Variants in TRAPPC9 observed in about 807,000 individuals in gnomAD.
The protein encoded by TRAPPC9 is trafficking protein particle complex subunit 9.
TRAPPC9 carries 83 observed loss-of-function variants against 124.0 expected under a neutral mutation model. That is an observed-to-expected ratio of 0.67 (90% confidence interval 0.56 to 0.80). The LOEUF is 0.80. Among genes scored for constraint, TRAPPC9 ranks in the 30% least tolerant of loss-of-function variants. TRAPPC9 has a pLI of 0.00. For missense variants in TRAPPC9, 1,302 were observed against 1,508.3 expected (o/e 0.86, Z 2.27); for synonymous variants, 638 against 617.5 (o/e 1.03, Z -0.49).
In TRAPPC9 at chr8:140,252,724, C is replaced by A. The variant is rs11986788; in HGVS notation, c.2431+53G>T. The A allele has an allele frequency of 6.2e-7, 1 of 1,601,944 alleles. No individual in the cohort carries two copies. The highest frequency in any genetic ancestry group is 8.5e-7 in the Non-Finnish European group (1 of 1,175,814). On this transcript the variant is annotated intron_variant, in intron 16 of 22. Coordinates refer to ENST00000438773, the MANE Select transcript of TRAPPC9 (RefSeq NM_001160372.4). The surrounding 1 kb of genome is among the most constrained non-coding windows in gnomAD (Gnocchi z 4.2). ...AGCAGGCATCAAGGGATGGGGGTTG[C>A]TACACAGTATCTAGGACCCTGACGT...
intron 21 of TRAPPC9, among the ~76,000 whole-genome samples, chr8:139,769,256 T>G (rs1267659586): frequency 6.6e-6 from 1 of 152,242 alleles, no homozygotes; most frequent in African/African-American, 2.4e-5. Flanking sequence ...AAAGTTTAAC[T>G]TATGTATTAG....
At chr8:140,210,928 A>G (rs1408170817) in intron 17 of TRAPPC9, among the ~76,000 whole-genome samples, 2 of 152,186 alleles carry the variant, frequency 1.3e-5, no homozygotes, top group Non-Finnish European at 2.9e-5. Flanking sequence ...GCTGCTCCCC[A>G]GGCCCCGAAG....
chr8:139,971,057 C>T (rs1026058452), intron 19 of TRAPPC9, among the ~76,000 whole-genome samples: 22 of 152,044 alleles, frequency 1.4e-4, no homozygotes, highest in African/African-American at 4.6e-4. Context: ...TCCCGGAATC[C>T]ACCTCTTTTC....
rs1016863761 is a variant in TRAPPC9, at chr8:139,776,678, A to G, written c.3056-44476T>C. ...CGTGTGTGTCTGTGTGTGTGTGCGC[A>G]CACACACACAGAAAGGCACATGTGT... On this transcript the variant is annotated intron_variant, in intron 21 of 22. Coordinates refer to ENST00000438773, the MANE Select transcript of TRAPPC9 (RefSeq NM_001160372.4). This position sits in a 1 kb window ranked among gnomAD's most constrained non-coding sequence, Gnocchi z 4.1. Among the ~76,000 whole-genome samples, 1 of 151,866 alleles carries G rather than the reference A, an allele frequency of 6.6e-6. No homozygotes were observed. Among genetic ancestry groups the G allele is most frequent in the Admixed American group, 6.6e-5 (1 of 15,260 alleles).
At chr8:140,131,721 C>T (rs763558312) in intron 17 of TRAPPC9, among the ~76,000 whole-genome samples, 6 of 152,350 alleles carry the variant, frequency 3.9e-5, no homozygotes, top group African/African-American at 9.6e-5. Context: ...GGCTTGAGGG[C>T]GAGTCGCCTG....
intron 18 of TRAPPC9, among the ~76,000 whole-genome samples, chr8:139,989,550 G>A (rs559968950): frequency 1.7e-4 from 26 of 152,308 alleles, no homozygotes; most frequent in Admixed American, 5.2e-4. Context: ...ATACAAACGC[G>A]ATGTCCTGGG....
chr8:139,924,073 C>A (rs1194295655), intron 19 of TRAPPC9, among the ~76,000 whole-genome samples: 1 of 152,094 alleles, frequency 6.6e-6, no homozygotes, highest in South Asian at 2.1e-4. Flanking sequence ...TCCCAGGCCC[C>A]AGAGCTCAGT....
At chr8:140,069,176 T>C (rs1843015365) in intron 17 of TRAPPC9, among the ~76,000 whole-genome samples, 1 of 152,218 alleles carries the variant, frequency 6.6e-6, no homozygotes, top group Non-Finnish European at 1.5e-5. Flanking sequence ...CAGAATTCAG[T>C]ATCTGCTGAA....
At chr8:140,154,152 A>G (rs1414299138) in intron 17 of TRAPPC9, among the ~76,000 whole-genome samples, 1 of 152,086 alleles carries the variant, frequency 6.6e-6, no homozygotes, top group East Asian at 1.9e-4. Context: ...TAAAAAGAGA[A>G]CACCTTTCCT....
intron 21 of TRAPPC9, among the ~76,000 whole-genome samples, chr8:139,865,696 C>G (rs372190520): frequency 1.3e-5 from 2 of 152,166 alleles, no homozygotes; most frequent in East Asian, 3.9e-4. Context: ...AGCCTGAAGC[C>G]ATGGGGTCCC....
chr8:140,377,704 C>T (rs200948795), intron 7 of TRAPPC9, among the ~76,000 whole-genome samples: 11 of 152,238 alleles, frequency 7.2e-5, no homozygotes, highest in African/African-American at 2.4e-4. Context: ...ACAGCTAAAA[C>T]GTCCCCCACC....
Position 140,456,675 on chromosome 8 carries a change from G to A in TRAPPC9, c.-11+964C>T, listed in dbSNP as rs74620547. ...CCTGGGCCTCCAACATCATCCACCC[G>A]GTGCTTTGTTTCAGGTTAACAAATA... is the stretch of plus-strand genomic sequence containing the variant. On this transcript the variant is annotated intron_variant, in intron 1 of 22. Transcript: ENST00000438773. 1.0e-3 allele frequency: 479 copies of A among 476,406 alleles called. 2 individuals are homozygous for A. The highest frequency in any genetic ancestry group is 8.1e-3 in the African/African-American group (384 of 47,444). The allele number at this position is 476,406 out of a possible 1,614,324, so 29.5% of individuals were successfully genotyped here.
At chr8:139,755,051 T>C (rs904651049) in intron 21 of TRAPPC9, among the ~76,000 whole-genome samples, 1 of 152,178 alleles carries the variant, frequency 6.6e-6, no homozygotes, top group African/African-American at 2.4e-5. Context: ...ACAGGGGTGA[T>C]GAGATGGCCC....
chr8:139,861,746 C>G (rs1056142813), intron 21 of TRAPPC9, among the ~76,000 whole-genome samples: 1 of 152,078 alleles, frequency 6.6e-6, no homozygotes, highest in Non-Finnish European at 1.5e-5. Context: ...TTTGAACAGA[C>G]CCCCTGAGTC....
Position 139,825,787 on chromosome 8 carries a change from G to A in TRAPPC9, c.3055+60092C>T, listed in dbSNP as rs1248200635. On this transcript the variant is annotated intron_variant, in intron 21 of 22. Coordinates refer to ENST00000438773, the MANE Select transcript of TRAPPC9 (RefSeq NM_001160372.4). The surrounding 1 kb of genome is among the most constrained non-coding windows in gnomAD (Gnocchi z 4.6). ...AATTCCGAAGAGCAGACGAGCCTCC[G>A]AGACAACAGCCGTGAGACGATGGCC... Among the ~76,000 whole-genome samples, 16 of 152,100 alleles carry A rather than the reference G, an allele frequency of 1.1e-4. No individual in the cohort carries two copies. Among genetic ancestry groups the A allele is most frequent in the Admixed American group, 7.2e-4 (11 of 15,272 alleles).
intron 17 of TRAPPC9, among the ~76,000 whole-genome samples, chr8:140,140,467 C>T (rs1372154349): frequency 1.3e-5 from 2 of 152,146 alleles, no homozygotes; most frequent in Admixed American, 6.5e-5. Context: ...TAATACCTTG[C>T]TTTCCCCAGT....
intron 17 of TRAPPC9, among the ~76,000 whole-genome samples, chr8:140,134,978 A>T (rs2061275397): frequency 6.6e-6 from 1 of 152,248 alleles, no homozygotes; most frequent in African/African-American, 2.4e-5. Flanking sequence ...AATGACAAAA[A>T]ATAACCCATA....
intron 17 of TRAPPC9, among the ~76,000 whole-genome samples, chr8:140,049,260 A>G (rs1258380184): frequency 1.3e-5 from 2 of 152,254 alleles, no homozygotes; most frequent in East Asian, 3.9e-4. Flanking sequence ...AGTTGGTCCT[A>G]TGGCATGAGG....
intron 17 of TRAPPC9, among the ~76,000 whole-genome samples, chr8:140,075,188 C>T (rs1843432808): frequency 6.6e-6 from 1 of 152,152 alleles, no homozygotes; most frequent in Admixed American, 6.5e-5. Context: ...CTTCTAGGCC[C>T]TGCGTCTTAT....
Sources: allele counts gnomAD v4.1 joint callset (sites outside exome capture counted in the v4.1 genomes callset), GRCh38; gene constraint gnomAD v4.1.1; non-coding constraint Gnocchi (gnomAD v3.1); transcripts MANE v1.5; gene names NCBI Gene and HGNC (gene_info 2026-07-23, HGNC 2026-07-21).